GPATCH2: variants seen among roughly 807,000 people sequenced by gnomAD.
GPATCH2 encodes the protein G patch domain-containing protein 2.
A neutral mutation model predicts 58.0 loss-of-function variants in GPATCH2; 51 were observed. The observed-to-expected ratio is 0.88, with a 90% CI of 0.70 to 1.11. GPATCH2 has a LOEUF of 1.11. Ranked by LOEUF, GPATCH2 falls within the 50% of genes most tolerant of loss-of-function variation. The pLI is 0.00. For missense variants in GPATCH2, 625 were observed against 652.2 expected (o/e 0.96, Z 0.45); for synonymous variants, 222 against 218.5 (o/e 1.02, Z -0.14).
intron 7 of GPATCH2, among the ~76,000 whole-genome samples, chr1:217,495,837 G>A (rs1367937121): frequency 6.6e-6 from 1 of 152,164 alleles, no homozygotes; most frequent in Non-Finnish European, 1.5e-5. Flanking sequence ...TTTAACAAAT[G>A]TATAGTAAAG....
At chr1:217,550,085 TCC>T (rs1665273149) in intron 5 of GPATCH2, among the ~76,000 whole-genome samples, 1 of 152,142 alleles carries the variant, frequency 6.6e-6, no homozygotes, top group Admixed American at 6.5e-5. Context: ...TTCTATTTTA[TCC>T]CACAGAATAT....
At chr1:217,528,964 T>G (rs1051001192) in intron 5 of GPATCH2, among the ~76,000 whole-genome samples, 10 of 152,140 alleles carry the variant, frequency 6.6e-5, no homozygotes, top group African/African-American at 1.2e-4. Context: ...GGAACCAGAC[T>G]CACAGAAGTG....
chr1:217,447,072 A>T (rs1659425762), intron 9 of GPATCH2, among the ~76,000 whole-genome samples: 1 of 152,216 alleles, frequency 6.6e-6, no homozygotes, highest in African/African-American at 2.4e-5. Flanking sequence ...TTCAGGGACC[A>T]TTCAACTGGA....
intron 7 of GPATCH2, among the ~76,000 whole-genome samples, chr1:217,494,669 G>A (rs562889027): frequency 2.4e-4 from 36 of 152,156 alleles, no homozygotes; most frequent in Admixed American, 2.2e-3. Context: ...GTTTGAACTC[G>A]GGAGACGGAG....
chr1:217,551,960 T>C (rs1665383611), intron 5 of GPATCH2, among the ~76,000 whole-genome samples: 1 of 152,114 alleles, frequency 6.6e-6, no homozygotes, highest in African/African-American at 2.4e-5. Flanking sequence ...TTCTTTAACA[T>C]TACAGGCTAA....
intron 5 of GPATCH2, among the ~76,000 whole-genome samples, chr1:217,564,732 T>C (rs1331947862): frequency 6.6e-6 from 1 of 152,136 alleles, no homozygotes; most frequent in African/African-American, 2.4e-5. Flanking sequence ...CTTCTTTCAT[T>C]AAGAAAAATC....
rs1658368505 is a variant in GPATCH2, at chr1:217,427,022, C to T, written c.*4123G>A. The T allele has an allele frequency of 6.6e-6, 1 of 151,170 alleles. No individual in the cohort carries two copies. The highest frequency in any genetic ancestry group is 1.5e-5 in the Non-Finnish European group (1 of 67,874). 9.4% of individuals were successfully genotyped at this position (151,170 alleles called of 1,614,324 possible). A position where few individuals can be genotyped will look rare whatever the true frequency, so the allele number is the denominator to read the frequency against. ...TGGGAGAAAAGATAAGTTTAATCAA[C>T]ATAGTGAAATGCCTCTTACAGCAAA... On this transcript the variant is annotated 3_prime_UTR_variant, in exon 10 of 10. Coordinates refer to ENST00000366935, the MANE Select transcript of GPATCH2 (RefSeq NM_018040.5).
At chr1:217,449,106 C>A in intron 9 of GPATCH2, 143 bp downstream of exon 9, 2 of 630,004 alleles carry the variant, frequency 3.2e-6, no homozygotes, top group African/African-American at 1.8e-5. Flanking sequence ...CACCCTGATA[C>A]CACATGCAAA....
At chr1:217,518,108 C>T (rs1352822433) in intron 5 of GPATCH2, among the ~76,000 whole-genome samples, 1 of 152,078 alleles carries the variant, frequency 6.6e-6, no homozygotes, top group Non-Finnish European at 1.5e-5. Flanking sequence ...TTATTAGACG[C>T]TTATCACACA....
chr1:217,542,245 A>C (rs1048879102), intron 5 of GPATCH2, among the ~76,000 whole-genome samples: 5 of 152,150 alleles, frequency 3.3e-5, no homozygotes, highest in African/African-American at 9.7e-5. Flanking sequence ...TATTCCTTCT[A>C]ATAACAACAT....
At chr1:217,587,612 A>G (rs1358241457) in intron 5 of GPATCH2, among the ~76,000 whole-genome samples, 2 of 152,274 alleles carry the variant, frequency 1.3e-5, no homozygotes, top group Non-Finnish European at 1.5e-5. Flanking sequence ...GTAGTGTGAA[A>G]TTGTGGGGGT....
At chr1:217,484,185 C>A (rs998840555) in intron 8 of GPATCH2, among the ~76,000 whole-genome samples, 1 of 152,052 alleles carries the variant, frequency 6.6e-6, no homozygotes, top group African/African-American at 2.4e-5. Flanking sequence ...AATTGGTAGA[C>A]TGAGTAGATT....
chr1:217,544,414 A>T (rs1664922603), intron 5 of GPATCH2, among the ~76,000 whole-genome samples: 1 of 152,076 alleles, frequency 6.6e-6, no homozygotes, highest in East Asian at 1.9e-4. Flanking sequence ...AACAAACCAA[A>T]TTATGTGATT....
At chr1:217,511,841 T>TGTGTGTGTGTGAG (rs1558446027) in intron 6 of GPATCH2, among the ~76,000 whole-genome samples, 1 of 131,592 alleles carries the variant, frequency 7.6e-6, no homozygotes, top group African/African-American at 2.7e-5. Flanking sequence ...GTGTGTGTGT[T>TGTGTGTGTGTGAG]TGTGTCTATA....
Position 217,610,329 on chromosome 1 carries a change from T to C in GPATCH2, c.1090A>G (p.Thr364Ala), listed in dbSNP as rs1285501346. 6 of 1,582,514 alleles carry C rather than the reference T, an allele frequency of 3.8e-6. No individual in the cohort carries two copies. Among genetic ancestry groups the C allele is most frequent in the East Asian group, 2.2e-5 (1 of 44,752 alleles). ...KNIKKSGGTP[T>A]SMVPIPGPVG... Reference sequence around the variant, plus strand: ...AGAAAAAGTATGCCTACCATTGAAGTTGGAGTCCCTCCAGATTTTTTAATA... The same window carrying C: ...AGAAAAAGTATGCCTACCATTGAAGCTGGAGTCCCTCCAGATTTTTTAATA... The change falls in exon 5 of 10, where the codon ACT (threonine) becomes GCT (alanine). Residue 364 changes from threonine (T) to alanine (A), a missense_variant. Physicochemically the swap from Thr to Ala is moderately conservative, Grantham distance 58. Transcript: ENST00000366935.
At chr1:217,450,286 G>T (rs1422551579) in intron 8 of GPATCH2, among the ~76,000 whole-genome samples, 1 of 152,074 alleles carries the variant, frequency 6.6e-6, no homozygotes. Flanking sequence ...ATATCTGACA[G>T]TATCTTGAGG....
At chr1:217,553,509 T>C (rs1665458910) in intron 5 of GPATCH2, among the ~76,000 whole-genome samples, 2 of 152,146 alleles carry the variant, frequency 1.3e-5, no homozygotes, top group Non-Finnish European at 2.9e-5. Context: ...TATATCATTA[T>C]TGTAATTGTA....
At chr1:217,543,300 C>T (rs1360228999) in intron 5 of GPATCH2, among the ~76,000 whole-genome samples, 5 of 137,450 alleles carry the variant, frequency 3.6e-5, no homozygotes, top group East Asian at 4.9e-4. Context: ...GACAGAGTCT[C>T]GCTCTGTCGC....
At position 217,493,026 on chromosome 1, in the gene GPATCH2, T is replaced by C. The variant is rs184357007; in HGVS notation, c.1207-1276A>G. Among the ~76,000 whole-genome samples, 5 of 152,310 alleles carry C rather than the reference T, an allele frequency of 3.3e-5. No homozygotes were observed. The East Asian group carries it at 7.7e-4, about 23-fold the overall frequency. ...ATCAAGAATATGGTTAGGCTCATTCTTTCAGGAACGTCTGAACTAAATAAG... is the reference window on the plus strand; with the variant it reads ...ATCAAGAATATGGTTAGGCTCATTCCTTCAGGAACGTCTGAACTAAATAAG... On this transcript the variant is annotated intron_variant, in intron 7 of 9. Transcript: ENST00000366935.
Sources: gnomAD v4.1 joint callset for allele counts (sites outside exome capture counted in the v4.1 genomes callset) on GRCh38, gnomAD v4.1.1 for gene constraint, MANE v1.5 for transcripts, NCBI Gene and HGNC (gene_info 2026-07-23, HGNC 2026-07-21) for gene names.